Variants in WDTC1 observed in about 807,000 individuals in gnomAD.
The protein encoded by WDTC1 is WD and tetratricopeptide repeats protein 1.
A neutral mutation model predicts 76.0 loss-of-function variants in WDTC1; 12 were observed. The observed-to-expected ratio is 0.16, with a 90% CI of 0.10 to 0.26. The LOEUF (loss-of-function observed/expected upper bound fraction) is 0.26. Among genes scored for constraint, WDTC1 ranks in the 10% least tolerant of loss-of-function variants. WDTC1 has a pLI of 1.00. For synonymous variants in WDTC1, 326 were observed against 350.8 expected (o/e 0.93, Z 0.79); for missense variants, 511 against 908.8 (o/e 0.56, Z 5.63).
chr1:27,286,515 G>T (rs1241594716), intron 5 of WDTC1, among the ~76,000 whole-genome samples: 8 of 145,940 alleles, frequency 5.5e-5, no homozygotes, highest in African/African-American at 2.0e-4. Context: ...TGTTGCCCAG[G>T]CTGGAGTGCA....
chr1:27,287,641 C>T (rs901012082), intron 5 of WDTC1, 33 bp from the exon 6 acceptor site: 1 of 1,595,398 alleles, frequency 6.3e-7, no homozygotes, highest in East Asian at 2.3e-5. Context: ...TCTACTCTTA[C>T]CACCCACCCC....
chr1:27,238,712 T>C (rs2011544768), intron 1 of WDTC1, among the ~76,000 whole-genome samples: 1 of 152,136 alleles, frequency 6.6e-6, no homozygotes, highest in Admixed American at 6.6e-5. Flanking sequence ...ATTATAGGCA[T>C]GTACCACCAC....
At chr1:27,257,263 G>C (rs901492878) in intron 1 of WDTC1, among the ~76,000 whole-genome samples, 4 of 152,166 alleles carry the variant, frequency 2.6e-5, no homozygotes, top group Non-Finnish European at 4.4e-5. Flanking sequence ...CTAAGGAAAA[G>C]GGTATTGGGG....
intron 1 of WDTC1, among the ~76,000 whole-genome samples, chr1:27,247,646 A>G (rs1236792028): frequency 6.6e-6 from 1 of 151,826 alleles, no homozygotes; most frequent in Non-Finnish European, 1.5e-5. Context: ...TGTTCCTGCA[A>G]AGGATATGAT....
In WDTC1 at chr1:27,307,460, GC is replaced by G; in HGVS notation, c.*1082del. On this transcript the variant is annotated 3_prime_UTR_variant, in exon 16 of 16. Coordinates refer to ENST00000319394, the MANE Select transcript of WDTC1 (RefSeq NM_001276252.2). This position sits in a 1 kb window ranked among gnomAD's most constrained non-coding sequence, Gnocchi z 4.1. ...ACTCACCAGGCCTCTCCTCCCCTCT[GC>G]CCCCGGCTCTTAGCTCCAGCTGCTC... is the stretch of plus-strand genomic sequence containing the variant. 1 of 153,754 alleles carries G rather than the reference GC, an allele frequency of 6.5e-6. No individual in the cohort carries two copies. 9.5% of individuals were successfully genotyped at this position (153,754 alleles called of 1,614,324 possible). A position where few individuals can be genotyped will look rare whatever the true frequency, so the allele number is the denominator to read the frequency against.
chr1:27,296,210 T>G, intron 9 of WDTC1, 116 bp from the exon 10 acceptor site: 1 of 1,220,410 alleles, frequency 8.2e-7, no homozygotes. Context: ...TGTTCTATGC[T>G]CAACACTCAC....
intron 5 of WDTC1, among the ~76,000 whole-genome samples, chr1:27,284,100 GT>G (rs1412660205): frequency 6.6e-6 from 1 of 152,090 alleles, no homozygotes; most frequent in Non-Finnish European, 1.5e-5. Flanking sequence ...CATGAGACAT[GT>G]TTTTTTGTTG....
intron 1 of WDTC1, among the ~76,000 whole-genome samples, chr1:27,239,675 C>T (rs549449440): frequency 8.0e-5 from 12 of 150,330 alleles, no homozygotes; most frequent in African/African-American, 2.7e-4. Context: ...ATTAGCCAGC[C>T]GTGGTGGTGC....
At chr1:27,276,687 C>T (rs561126894) in intron 3 of WDTC1, among the ~76,000 whole-genome samples, 4 of 147,482 alleles carry the variant, frequency 2.7e-5, no homozygotes, top group African/African-American at 5.0e-5. Context: ...AGCAAGACTT[C>T]GTCTCGAAAA....
intron 1 of WDTC1, among the ~76,000 whole-genome samples, chr1:27,240,977 A>AAAC (rs1009044731): frequency 3.3e-5 from 5 of 151,486 alleles, no homozygotes; most frequent in Admixed American, 2.0e-4. Context: ...CATCTCAAAA[A>AAAC]AAAAAAACAA....
chr1:27,306,273 G>T lies in WDTC1; in HGVS notation c.1924G>T (p.Val642Leu). Residue 642 changes from valine (V) to leucine (L), a missense_variant, in exon 16 of 16, where the codon GTG becomes TTG. By Grantham distance (32) the Val-to-Leu change is conservative. Coordinates refer to ENST00000319394, the MANE Select transcript of WDTC1 (RefSeq NM_001276252.2). This position sits in a 1 kb window ranked among gnomAD's most constrained non-coding sequence, Gnocchi z 5.0. ...QRRMNADPLEVMLLNMGYRIT... is the reference protein window; with the variant it reads ...QRRMNADPLELMLLNMGYRIT... ...GCGCATGAATGCAGACCCGTTGGAG[G>T]TGATGCTGCTCAACATGGGCTACCG... 1 of 1,614,136 alleles carries T rather than the reference G, an allele frequency of 6.2e-7. No individual in the cohort carries two copies. Among genetic ancestry groups the T allele is most frequent in the Non-Finnish European group, 8.5e-7 (1 of 1,180,026 alleles).
At chr1:27,287,962 C>T in intron 6 of WDTC1, 101 bp downstream of exon 6, 1 of 1,409,320 alleles carries the variant, frequency 7.1e-7, no homozygotes, top group Non-Finnish European at 9.6e-7. Flanking sequence ...AGCAGAGGTC[C>T]AACCTCCTTT....
At chr1:27,263,260 G>A in intron 3 of WDTC1, 25 bp downstream of exon 3, 3 of 1,606,890 alleles carry the variant, frequency 1.9e-6, no homozygotes, top group Non-Finnish European at 2.5e-6. Flanking sequence ...TTGCACCTTA[G>A]ATGCAGATGG....
At chr1:27,238,539 G>T (rs1367325819) in intron 1 of WDTC1, among the ~76,000 whole-genome samples, 1 of 151,952 alleles carries the variant, frequency 6.6e-6, no homozygotes, top group African/African-American at 2.4e-5. Flanking sequence ...GAGTGCAGTG[G>T]CATGATCTCA....
chr1:27,242,431 A>G (rs1205490894), intron 1 of WDTC1, among the ~76,000 whole-genome samples: 1 of 152,108 alleles, frequency 6.6e-6, no homozygotes, highest in East Asian at 1.9e-4. Flanking sequence ...ATAGTGCTAC[A>G]TTCCATTCCA....
chr1:27,300,702 A>T (rs956802884), intron 12 of WDTC1, among the ~76,000 whole-genome samples: 2 of 151,566 alleles, frequency 1.3e-5, no homozygotes, highest in Non-Finnish European at 2.9e-5. Context: ...CAGCCAGGAC[A>T]GGGGGGGGTC....
intron 1 of WDTC1, chr1:27,255,494 A>G (rs2012246002): frequency 6.6e-6 from 1 of 152,218 alleles, no homozygotes; most frequent in East Asian, 1.9e-4. Flanking sequence ...ACAAGAGGGG[A>G]AACAGTAGAA....
chr1:27,248,587 C>G (rs2011928757), intron 1 of WDTC1, among the ~76,000 whole-genome samples: 1 of 152,050 alleles, frequency 6.6e-6, no homozygotes, highest in Non-Finnish European at 1.5e-5. Context: ...TTTCTCCCAT[C>G]CTATAGGTTG....
At chr1:27,276,140 G>A (rs2013022257) in intron 3 of WDTC1, among the ~76,000 whole-genome samples, 1 of 152,110 alleles carries the variant, frequency 6.6e-6, no homozygotes. Flanking sequence ...TGGAACATGT[G>A]GTTGTTTCTA....
Sources: allele counts gnomAD v4.1 joint callset (sites outside exome capture counted in the v4.1 genomes callset), GRCh38; gene constraint gnomAD v4.1.1; non-coding constraint Gnocchi (gnomAD v3.1); transcripts MANE v1.5; gene names NCBI Gene and HGNC (gene_info 2026-07-23, HGNC 2026-07-21).